NCAPG2: variants seen among roughly 807,000 people sequenced by gnomAD.
NCAPG2 encodes the protein non-SMC condensin II complex subunit G2.
Under a neutral mutation model 141.1 loss-of-function variants are expected in NCAPG2, and 53 were observed. The observed-to-expected ratio is 0.38, with a 90% confidence interval of 0.30 to 0.47. NCAPG2 has a LOEUF of 0.47. Among genes scored for constraint, NCAPG2 ranks in the 20% least tolerant of loss-of-function variants. NCAPG2 has a pLI of 0.99. For missense variants in NCAPG2, 1,087 were observed against 1,389.0 expected, an observed-to-expected ratio of 0.78 and a Z score of 3.46; for synonymous variants, 499 against 490.7, an observed-to-expected ratio of 1.02 and a Z score of -0.22.
At chr7:158,693,975 C>T (rs907215661) in intron 2 of NCAPG2, among the ~76,000 whole-genome samples, 1 of 152,206 alleles carries the variant, frequency 6.6e-6, no homozygotes, top group Non-Finnish European at 1.5e-5. Context: ...ACCTCACGTA[C>T]TCTTTGATGA....
intron 22 of NCAPG2, among the ~76,000 whole-genome samples, chr7:158,653,326 C>G (rs1460211529): frequency 6.8e-6 from 1 of 147,584 alleles, no homozygotes; most frequent in East Asian, 2.0e-4. Flanking sequence ...CACCACTGCA[C>G]TCCACTCCAG....
Position 158,662,240 on chromosome 7 carries a change from A to G in NCAPG2, c.1943T>C (p.Ile648Thr). Residue 648 changes from isoleucine to threonine, a missense_variant, in exon 16 of 28, where the codon ATT becomes ACT. Ile to Thr is a moderately conservative substitution (Grantham distance 89). Transcript: ENST00000356309. ...ENNKEAKLYT[I>T]NKFASVLPEY... ...TGGAAGCACAGAGGCAAACTTGTTA[A>G]TCGTGTAAAGTTTGGCCTCTTTATT... 6.2e-7 allele frequency: 1 copy of G among 1,609,824 alleles called. No homozygotes were observed. The highest frequency in any genetic ancestry group is 1.7e-5 in the Admixed American group (1 of 59,314).
chr7:158,683,451 A>G, intron 8 of NCAPG2, 65 bp from the exon 9 acceptor site: 1 of 1,231,762 alleles, frequency 8.1e-7, no homozygotes, highest in East Asian at 2.6e-5. Flanking sequence ...CCTGACAAGC[A>G]GTGCGGCATT....
chr7:158,666,506 A>G (rs1832948716), intron 13 of NCAPG2, among the ~76,000 whole-genome samples: 1 of 151,816 alleles, frequency 6.6e-6, no homozygotes, highest in Non-Finnish European at 1.5e-5. Context: ...TTTAAAGGTA[A>G]GAAGCAGGCT....
Position 158,663,194 on chromosome 7 carries a change from G to A in NCAPG2, c.1816-827C>T, listed in dbSNP as rs184223317. On this transcript the variant is annotated intron_variant, in intron 15 of 27. Coordinates refer to ENST00000356309, the MANE Select transcript of NCAPG2 (RefSeq NM_017760.7). ...TCGAGGCCTGTCACGCAACTCTAAC[G>A]TATACTGAGGGAGAAGCCCTGAGAG... Among the ~76,000 whole-genome samples, 6 of 152,234 alleles carry A rather than the reference G, an allele frequency of 3.9e-5. No homozygotes were observed. In the East Asian group the frequency reaches 1.2e-3, roughly 29 times the overall value.
intron 4 of NCAPG2, 35 bp downstream of exon 4, chr7:158,692,807 T>C (rs1835212495): frequency 4.1e-6 from 5 of 1,219,346 alleles, no homozygotes; most frequent in Non-Finnish European, 4.8e-6. Context: ...CAACACCCAC[T>C]TCTAAATATG....
chr7:158,654,993 A>T, intron 21 of NCAPG2, 125 bp downstream of exon 21: 1 of 1,250,556 alleles, frequency 8.0e-7, no homozygotes, highest in Non-Finnish European at 1.1e-6. Flanking sequence ...AGTTAGATAA[A>T]TGTCCCTGTA....
chr7:158,683,162 G>T, intron 9 of NCAPG2, 138 bp downstream of exon 9: 1 of 653,528 alleles, frequency 1.5e-6, no homozygotes, highest in Non-Finnish European at 2.4e-6. Flanking sequence ...AAAACTGCCA[G>T]ACATCAAATA....
intron 6 of NCAPG2, among the ~76,000 whole-genome samples, chr7:158,688,764 C>A (rs1834938495): frequency 6.6e-6 from 1 of 152,200 alleles, no homozygotes; most frequent in African/African-American, 2.4e-5. Flanking sequence ...GAACAAAGAC[C>A]CTGGGAGCCA....
At chr7:158,673,041 A>G (rs1833845210) in intron 12 of NCAPG2, among the ~76,000 whole-genome samples, 2 of 152,222 alleles carry the variant, frequency 1.3e-5, no homozygotes, top group South Asian at 4.1e-4. Context: ...GGTGGTCAGA[A>G]GGTCAGGACC....
intron 1 of NCAPG2, chr7:158,703,544 A>AATCT (rs1198123369): frequency 6.6e-6 from 1 of 152,154 alleles, no homozygotes; most frequent in East Asian, 1.9e-4. Context: ...TTAATTTTTC[A>AATCT]ATCTATCTCC....
Position 158,653,911 on chromosome 7 carries a change from G to C in NCAPG2, c.2746+684C>G, listed in dbSNP as rs544615936. On this transcript the variant is annotated intron_variant, in intron 22 of 27. Coordinates refer to ENST00000356309, the MANE Select transcript of NCAPG2 (RefSeq NM_017760.7). ...AGTCAGCTACACCACAGAAGCGGCT[G>C]AGGGGGAGGCTGGCCGTTAGGGGTT... Among the ~76,000 whole-genome samples the C allele has an allele frequency of 7.9e-5, 12 of 152,232 alleles. No individual in the cohort carries two copies. The South Asian group carries it at 1.9e-3, about 24-fold the overall frequency.
At chr7:158,643,613 G>A (rs973647013) in intron 27 of NCAPG2, among the ~76,000 whole-genome samples, 11 of 152,240 alleles carry the variant, frequency 7.2e-5, no homozygotes, top group African/African-American at 2.2e-4. Context: ...TTTCTCCAGA[G>A]GAAGTAGCTA....
At chr7:158,656,126 G>GATT in intron 19 of NCAPG2, 134 bp downstream of exon 19, 2 of 1,172,396 alleles carry the variant, frequency 1.7e-6, no homozygotes, top group Non-Finnish European at 2.4e-6. Context: ...CCAACTGAAT[G>GATT]AGGTGACATG....
intron 2 of NCAPG2, among the ~76,000 whole-genome samples, chr7:158,698,854 T>C (rs541982251): frequency 2.0e-5 from 3 of 151,384 alleles, no homozygotes; most frequent in Admixed American, 6.6e-5. Flanking sequence ...TGCACAATCA[T>C]AGCTCACTGT....
intron 2 of NCAPG2, among the ~76,000 whole-genome samples, chr7:158,700,138 A>G (rs1835693815): frequency 6.6e-6 from 1 of 152,228 alleles, no homozygotes; most frequent in South Asian, 2.1e-4. Flanking sequence ...ACTTGATGAA[A>G]CCACGTGATG....
rs1024111169 is a variant in NCAPG2 at position 158,664,558 on chromosome 7, C to A, written c.1672G>T (p.Ala558Ser). 4.3e-6 allele frequency: 7 copies of A among 1,613,976 alleles called. No homozygotes were observed. The highest frequency in any genetic ancestry group is 4.0e-5 in the African/African-American group (3 of 74,888). The change falls in exon 14 of 28, where the codon GCC (alanine) becomes TCC (serine). Residue 558 changes from alanine to serine, a missense_variant. Physicochemically the swap from Ala to Ser is moderately conservative, Grantham distance 99. Coordinates refer to ENST00000356309, the MANE Select transcript of NCAPG2 (RefSeq NM_017760.7). The part of the protein sequence containing the change: ...HAAARRFYQY[A>S]HEHTACTNIA... ...TTGGTGCAGGCGGTGTGTTCGTGGG[C>A]GTACTGATAGAACCTCCTGGCAGCG... is the stretch of plus-strand genomic sequence containing the variant.
intron 13 of NCAPG2, among the ~76,000 whole-genome samples, chr7:158,670,244 C>A (rs10272144): frequency 0.91 from 137,864 of 152,278 alleles, 62,470 homozygotes; most frequent in East Asian, 0.96. Flanking sequence ...AAACACACAA[C>A]GTAATATGTA....
chr7:158,671,745 A>G, intron 12 of NCAPG2, 79 bp from the exon 13 acceptor site: 1 of 1,481,638 alleles, frequency 6.7e-7, no homozygotes, highest in Admixed American at 2.1e-5. Context: ...TTCATTAAAG[A>G]AAACATTCGG....
Sources: allele counts gnomAD v4.1 joint callset (sites outside exome capture counted in the v4.1 genomes callset), GRCh38; gene constraint gnomAD v4.1.1; transcripts MANE v1.5; gene names NCBI Gene and HGNC (gene_info 2026-07-23, HGNC 2026-07-21).